The following VPS54 variants were observed in gnomAD, a reference collection of about 807,000 sequenced individuals.
The protein encoded by VPS54 is VPS54 subunit of GARP complex, also known as vacuolar protein sorting-associated protein 54.
VPS54 carries 45 observed loss-of-function variants against 121.5 expected under a neutral mutation model. The ratio of observed to expected loss-of-function variants is 0.37; its 90% CI spans 0.29 to 0.47. VPS54 has a LOEUF of 0.47. Among genes scored for constraint, VPS54 ranks in the 20% least tolerant of loss-of-function variants. The pLI, the probability that VPS54 is intolerant of heterozygous loss-of-function variation, is 0.99. For synonymous variants in VPS54, 371 were observed against 385.8 expected (o/e 0.96, Z 0.45); for missense variants, 1,090 against 1,131.4 (o/e 0.96, Z 0.52).
chr2:63,899,621 T>C, intron 20 of VPS54, 40 bp from the exon 21 acceptor site: 2 of 1,523,734 alleles, frequency 1.3e-6, no homozygotes, highest in Non-Finnish European at 1.8e-6. Flanking sequence ...TCATGTCCTC[T>C]GAATTGCATA....
intron 20 of VPS54, among the ~76,000 whole-genome samples, chr2:63,902,151 ACCTAAG>A (rs1250617959): frequency 6.6e-6 from 1 of 152,226 alleles, no homozygotes; most frequent in East Asian, 1.9e-4. Flanking sequence ...TACAGGCTCT[ACCTAAG>A]ATGGAGACCA....
intron 7 of VPS54, among the ~76,000 whole-genome samples, chr2:63,954,974 A>G (rs1171079033): frequency 2.6e-5 from 4 of 152,028 alleles, no homozygotes; most frequent in Non-Finnish European, 5.9e-5. Flanking sequence ...TACAATAAAC[A>G]CACCATAAGA....
intron 2 of VPS54, 147 bp from the exon 3 acceptor site, chr2:63,982,034 CTGAT>C (rs2104615011): frequency 3.4e-6 from 3 of 879,666 alleles, no homozygotes; most frequent in South Asian, 2.5e-5. Context: ...AAAAATCAAT[CTGAT>C]TGAATAACCT....
chr2:63,984,954 A>C (rs1676973574), intron 1 of VPS54, among the ~76,000 whole-genome samples: 1 of 152,224 alleles, frequency 6.6e-6, no homozygotes, highest in Non-Finnish European at 1.5e-5. Flanking sequence ...GAGGTTTAAC[A>C]AGTCTAAAAA....
At chr2:63,915,052 G>C (rs930664027) in intron 16 of VPS54, among the ~76,000 whole-genome samples, 1 of 149,680 alleles carries the variant, frequency 6.7e-6, no homozygotes, top group African/African-American at 2.5e-5. Flanking sequence ...TGGGGAGGCT[G>C]AGGCAGGAGA....
chr2:64,010,172 T>TA (rs1212883446), intron 1 of VPS54, among the ~76,000 whole-genome samples: 3 of 152,164 alleles, frequency 2.0e-5, no homozygotes, highest in Non-Finnish European at 4.4e-5. Context: ...TGAACTTTTT[T>TA]AAAAAAAGTC....
intron 12 of VPS54, among the ~76,000 whole-genome samples, chr2:63,930,359 A>G (rs1674131904): frequency 1.3e-5 from 2 of 152,198 alleles, no homozygotes; most frequent in Non-Finnish European, 2.9e-5. Flanking sequence ...CTGGTTTGAC[A>G]TTCATAAATC....
chr2:63,972,605 G>A (rs1676338474), intron 3 of VPS54, among the ~76,000 whole-genome samples: 1 of 152,178 alleles, frequency 6.6e-6, no homozygotes, highest in Middle Eastern at 3.4e-3. Flanking sequence ...AACAAATTAG[G>A]CCAGGTGCGG....
chr2:63,957,031 T>A (rs1675525632), intron 7 of VPS54, among the ~76,000 whole-genome samples: 1 of 152,170 alleles, frequency 6.6e-6, no homozygotes, highest in South Asian at 2.1e-4. Flanking sequence ...TTGAATGCCA[T>A]TAGCCTCAGC....
chr2:63,897,531 G>C lies in VPS54; in HGVS notation c.2793C>G (p.His931Gln). The part of the protein sequence containing the change: ...YKLHLKKQLS[H>Q]LNVINDGGPQ... Reference sequence around the variant, plus strand: ...GTCCTCCATCATTTATCACATTTAAGTGAGATAACTGCTTTTTCAAGTGGA... The same window carrying C: ...GTCCTCCATCATTTATCACATTTAACTGAGATAACTGCTTTTTCAAGTGGA... Residue 931 changes from histidine to glutamine, a missense_variant, in exon 22 of 23, where the codon CAC becomes CAG. By Grantham distance (24) the His-to-Gln change is conservative. Transcript: ENST00000272322. The C allele has an allele frequency of 1.2e-6, 2 of 1,600,684 alleles. No homozygotes were observed. Among genetic ancestry groups the C allele is most frequent in the South Asian group, 2.3e-5 (2 of 87,494 alleles).
Position 63,983,937 on chromosome 2 carries a change from T to A in VPS54, c.63A>T (p.Lys21Asn), listed in dbSNP as rs1396010884. The A allele has an allele frequency of 1.9e-6, 3 of 1,613,934 alleles. No individual in the cohort carries two copies. Among genetic ancestry groups the A allele is most frequent in the Non-Finnish European group, 2.5e-6 (3 of 1,179,898 alleles). The change falls in exon 2 of 23, where the codon AAA (lysine) becomes AAT (asparagine). Residue 21 changes from lysine (K) to asparagine (N), a missense_variant. Around this residue, in one of 2 missense-constraint regions of VPS54, gnomAD observed 801 missense variants for 757.0 expected, o/e 1.06. Coordinates refer to ENST00000272322, the MANE Select transcript of VPS54 (RefSeq NM_016516.3). ...TGTGTTTTGACGGATCTACCTCTAT[T>A]TTAAAGAAAACATCACTGCTGCTTC... ...PQGSSSDVFF[K>N]IEVDPSKHIR...
At position 63,933,953 on chromosome 2, in the gene VPS54, T is replaced by C. The variant is rs769500959; in HGVS notation, c.1459A>G (p.Arg487Gly). 1.9e-6 allele frequency: 3 copies of C among 1,613,630 alleles called. No homozygotes were observed. The highest frequency in any genetic ancestry group is 1.7e-5 in the Admixed American group (1 of 59,918). The change falls in exon 12 of 23, where the codon AGA becomes GGA. Residue 487 changes from arginine (R) to glycine (G), a missense_variant. Coordinates refer to ENST00000272322, the MANE Select transcript of VPS54 (RefSeq NM_016516.3). The part of the protein sequence containing the change: ...LSVLDKNQRT[R>G]ELEEISQQKN... The stretch of plus-strand genomic sequence containing the variant: ...TGTTGTGAAATCTCTTCCAATTCTC[T>C]AGTCCTTTGGTTTTTGTCAAGAACT...
In VPS54 at chr2:63,981,894, A is replaced by G; in HGVS notation, c.137-7T>C. ...TATAAACTATGTGAATCACCTGCAAAAAGTAAACAAGAGAACTCTGTAAAT... is the reference window on the plus strand; with the variant it reads ...TATAAACTATGTGAATCACCTGCAAGAAGTAAACAAGAGAACTCTGTAAAT... On this transcript the variant is annotated splice_polypyrimidine_tract_variant and splice_region_variant and intron_variant, in intron 2 of 22. Coordinates refer to ENST00000272322, the MANE Select transcript of VPS54 (RefSeq NM_016516.3). 1 of 1,607,092 alleles carries G rather than the reference A, an allele frequency of 6.2e-7. No individual in the cohort carries two copies. Among genetic ancestry groups the G allele is most frequent in the South Asian group, 1.1e-5 (1 of 89,788 alleles).
At chr2:63,911,303 A>T (rs1382219392) in intron 20 of VPS54, among the ~76,000 whole-genome samples, 2 of 152,216 alleles carry the variant, frequency 1.3e-5, no homozygotes, top group African/African-American at 4.8e-5. Flanking sequence ...GGCATAACAT[A>T]GTATAGGTAT....
chr2:63,902,285 C>T (rs1308800924), intron 20 of VPS54, among the ~76,000 whole-genome samples: 1 of 152,072 alleles, frequency 6.6e-6, no homozygotes, highest in African/African-American at 2.4e-5. Context: ...GAGGGTGAAA[C>T]CAACACTGAG....
chr2:63,995,026 C>T lies in VPS54; in HGVS notation c.-20-11007G>A, dbSNP rs141746507. Among the ~76,000 whole-genome samples, 730 of 152,268 alleles carry T rather than the reference C, an allele frequency of 4.8e-3. 5 individuals are homozygous for T. Among genetic ancestry groups the T allele is most frequent in the South Asian group, 0.021 (102 of 4,830 alleles). On this transcript the variant is annotated intron_variant, in intron 1 of 22. Coordinates refer to ENST00000272322, the MANE Select transcript of VPS54 (RefSeq NM_016516.3). Reference sequence around the variant, plus strand: ...AAATGGGAAGATAAAGGCATTACCCCCATCTGAGGCCTCGTATGATATTCC... The same window carrying T: ...AAATGGGAAGATAAAGGCATTACCCTCATCTGAGGCCTCGTATGATATTCC...
At chr2:63,945,683 A>G (rs763249771) in intron 9 of VPS54, among the ~76,000 whole-genome samples, 14 of 152,194 alleles carry the variant, frequency 9.2e-5, no homozygotes, top group Non-Finnish European at 1.9e-4. Flanking sequence ...TTGAATTGTA[A>G]TAATTAAAAT....
intron 6 of VPS54, 135 bp from the exon 7 acceptor site, chr2:63,962,578 C>A: frequency 8.7e-7 from 1 of 1,148,124 alleles, no homozygotes; most frequent in African/African-American, 1.6e-5. Flanking sequence ...ATTGTGAGAT[C>A]CTTGAAATTG....
chr2:63,962,535 A>C, intron 6 of VPS54, 92 bp from the exon 7 acceptor site: 1 of 1,393,118 alleles, frequency 7.2e-7, no homozygotes, highest in South Asian at 1.5e-5. Context: ...AGATTTCTAC[A>C]TATACTTTAA....
Sources: allele counts gnomAD v4.1 joint callset (sites outside exome capture counted in the v4.1 genomes callset), GRCh38; gene constraint gnomAD v4.1.1; regional missense constraint gnomAD v4.1.1; transcripts MANE v1.5; gene names NCBI Gene and HGNC (gene_info 2026-07-23, HGNC 2026-07-21).